Variants in GCNT2 observed in about 807,000 individuals in gnomAD.
GCNT2 encodes the protein N-acetyllactosaminide beta-1,6-N-acetylglucosaminyl-transferase.
In GCNT2, 34 loss-of-function variants were observed where a neutral mutation model predicts 34.2. The observed-to-expected ratio is 1.00, with a 90% CI of 0.76 to 1.32. The LOEUF (loss-of-function observed/expected upper bound fraction) is 1.32, where lower values mean the gene tolerates loss of function less well. Among genes scored for constraint, GCNT2 ranks in the 40% most tolerant of loss-of-function variants. The pLI, the probability that GCNT2 is intolerant of heterozygous loss-of-function variation, is 0.00. For missense variants in GCNT2, 584 were observed against 489.4 expected (o/e 1.19, Z -1.82); for synonymous variants, 212 against 188.0 (o/e 1.13, Z -1.04).
chr6:10,604,117 G>T (rs538945516), intron 3 of GCNT2, among the ~76,000 whole-genome samples: 1 of 151,936 alleles, frequency 6.6e-6, no homozygotes, highest in East Asian at 1.9e-4. Flanking sequence ...GCATGGTCTC[G>T]ATCTCCTGAC....
chr6:10,593,896 A>G (rs1276141136), intron 3 of GCNT2, among the ~76,000 whole-genome samples: 1 of 151,950 alleles, frequency 6.6e-6, no homozygotes, highest in East Asian at 1.9e-4. Flanking sequence ...GACTTTGGAG[A>G]CAGACGTAGT....
chr6:10,529,518 A>T lies in GCNT2; in HGVS notation c.607A>T (p.Ile203Leu). The T allele has an allele frequency of 6.2e-7, 1 of 1,614,166 alleles. No homozygotes were observed. Among genetic ancestry groups the T allele is most frequent in the Non-Finnish European group, 8.5e-7 (1 of 1,180,008 alleles). The change falls in exon 3 of 5, where the codon ATA (isoleucine) becomes TTA (leucine). Residue 203 changes from isoleucine to leucine, a missense_variant. Transcript: ENST00000495262. Reference sequence around the variant, plus strand: ...CTTTCCCCTGAAAACCAACAGGGAAATAGTTCAGTATCTGAAGGGATTTAA... The same window carrying T: ...CTTTCCCCTGAAAACCAACAGGGAATTAGTTCAGTATCTGAAGGGATTTAA... Reference protein sequence around the residue: ...QDFPLKTNREIVQYLKGFKGK... With the variant: ...QDFPLKTNRELVQYLKGFKGK...
intron 3 of GCNT2, among the ~76,000 whole-genome samples, chr6:10,598,763 G>T (rs1015109242): frequency 5.9e-5 from 9 of 152,240 alleles, no homozygotes; most frequent in African/African-American, 2.2e-4. Flanking sequence ...GGAGGGAAGG[G>T]GCCCTCTGGA....
chr6:10,592,193 T>C (rs1764680955), intron 3 of GCNT2, among the ~76,000 whole-genome samples: 1 of 152,244 alleles, frequency 6.6e-6, no homozygotes, highest in Admixed American at 6.5e-5. Context: ...AGATAAATTC[T>C]GGCTGAAGGA....
intron 3 of GCNT2, among the ~76,000 whole-genome samples, chr6:10,564,183 A>G (rs570163636): frequency 4.6e-5 from 7 of 152,270 alleles, no homozygotes; most frequent in African/African-American, 1.4e-4. Flanking sequence ...GAATCTCCAC[A>G]AGAATCCCAT....
chr6:10,556,184 C>G, intron 3 of GCNT2: 1 of 1,383,916 alleles, frequency 7.2e-7, no homozygotes, highest in Non-Finnish European at 9.3e-7. Context: ...GCTTCAGCAA[C>G]CTGCCACGGG....
chr6:10,574,559 T>C (rs1324066353), intron 3 of GCNT2, among the ~76,000 whole-genome samples: 3 of 152,160 alleles, frequency 2.0e-5, no homozygotes, highest in African/African-American at 7.2e-5. Context: ...TTATAGGTGA[T>C]TGTAAAGATC....
chr6:10,617,573 C>T (rs1463346272), intron 3 of GCNT2, among the ~76,000 whole-genome samples: 1 of 152,096 alleles, frequency 6.6e-6, no homozygotes, highest in Non-Finnish European at 1.5e-5. Flanking sequence ...CATCGCTCAC[C>T]GTGACTTAGA....
chr6:10,617,747 C>CTTTTTTTTTT (rs1407402607), intron 3 of GCNT2, among the ~76,000 whole-genome samples: 46 of 114,270 alleles, frequency 4.0e-4, no homozygotes, highest in African/African-American at 1.5e-3. Flanking sequence ...GTCTGCATTT[C>CTTTTTTTTTT]TTCTTTTTTT....
At chr6:10,535,553 T>C (rs533476150) in intron 3 of GCNT2, among the ~76,000 whole-genome samples, 7 of 152,338 alleles carry the variant, frequency 4.6e-5, no homozygotes, top group Admixed American at 4.6e-4. Flanking sequence ...TCCTCTGGGT[T>C]GGATGGCTCT....
intron 3 of GCNT2, among the ~76,000 whole-genome samples, chr6:10,583,594 A>G (rs1207095155): frequency 1.3e-5 from 2 of 152,218 alleles, no homozygotes; most frequent in African/African-American, 4.8e-5. Context: ...TAATGCGACC[A>G]GACCTGTGCT....
chr6:10,626,392 C>T, intron 4 of GCNT2, 25 bp from the exon 5 acceptor site: 1 of 1,563,954 alleles, frequency 6.4e-7, no homozygotes, highest in South Asian at 1.1e-5. Flanking sequence ...TGTTTTGACT[C>T]TGTTTCTTGT....
At chr6:10,539,833 C>A (rs1351793270) in intron 3 of GCNT2, among the ~76,000 whole-genome samples, 2 of 152,208 alleles carry the variant, frequency 1.3e-5, no homozygotes, top group African/African-American at 2.4e-5. Context: ...TGCCTGTAAT[C>A]CCAACACTGG....
At chr6:10,556,837 A>G (rs1281569541) in intron 3 of GCNT2, 4 of 1,614,236 alleles carry the variant, frequency 2.5e-6, no homozygotes, top group Non-Finnish European at 3.4e-6. Context: ...AAGATGCGGT[A>G]GAGCAACTAT....
At chr6:10,613,281 T>A (rs1353099511) in intron 3 of GCNT2, among the ~76,000 whole-genome samples, 1 of 152,204 alleles carries the variant, frequency 6.6e-6, no homozygotes, top group African/African-American at 2.4e-5. Context: ...GGTTACTCTG[T>A]AAACTTTGCC....
chr6:10,548,465 CCTT>C (rs1438778984), intron 3 of GCNT2, among the ~76,000 whole-genome samples: 2 of 152,222 alleles, frequency 1.3e-5, no homozygotes, highest in Admixed American at 1.3e-4. Flanking sequence ...ACACCAGTGA[CCTT>C]CTGAGTGTAG....
intron 3 of GCNT2, chr6:10,586,181 A>G (rs1415873568): frequency 6.2e-7 from 1 of 1,614,156 alleles, no homozygotes; most frequent in Non-Finnish European, 8.5e-7. Flanking sequence ...GGGAAAATAT[A>G]TTACCATCAC....
chr6:10,585,547 C>T (rs914558034), intron 3 of GCNT2, among the ~76,000 whole-genome samples: 25 of 152,094 alleles, frequency 1.6e-4, no homozygotes, highest in African/African-American at 5.5e-4. Context: ...TTGGAGAAAG[C>T]GTGAGAAGGG....
intron 3 of GCNT2, among the ~76,000 whole-genome samples, chr6:10,588,114 T>C (rs1764437280): frequency 1.3e-5 from 2 of 152,146 alleles, no homozygotes; most frequent in Admixed American, 1.3e-4. Context: ...CACAAAAATC[T>C]ACTTAGAGAG....
Sources: allele counts gnomAD v4.1 joint callset (sites outside exome capture counted in the v4.1 genomes callset), GRCh38; gene constraint gnomAD v4.1.1; transcripts MANE v1.5; gene names NCBI Gene and HGNC (gene_info 2026-07-23, HGNC 2026-07-21).